The following CTSO variants were observed in gnomAD, a reference collection of about 807,000 sequenced individuals.
CTSO encodes cathepsin O.
Under a neutral mutation model 42.4 loss-of-function variants are expected in CTSO, and 40 were observed. That is an observed-to-expected ratio of 0.94 (90% CI 0.73 to 1.23). CTSO has a LOEUF of 1.23. Among genes scored for constraint, CTSO ranks in the 50% most tolerant of loss-of-function variants. The probability of loss-of-function intolerance (pLI) is 0.00; values close to 1 mark genes in which losing one functional copy is unlikely to be tolerated. For missense variants in CTSO, 441 were observed against 396.0 expected (o/e 1.11, Z -0.96); for synonymous variants, 156 against 146.2 (o/e 1.07, Z -0.48).
At chr4:155,945,121 G>A (rs934730256) in intron 1 of CTSO, among the ~76,000 whole-genome samples, 1 of 151,972 alleles carries the variant, frequency 6.6e-6, no homozygotes, top group Non-Finnish European at 1.5e-5. Flanking sequence ...GCCGGGCGTG[G>A]TGGTGGGCGC....
chr4:155,925,966 T>C lies in CTSO; in HGVS notation c.*70A>G, dbSNP rs1743121529. On this transcript the variant is annotated 3_prime_UTR_variant, in exon 8 of 8. Transcript: ENST00000433477. ...TGAAACTTGAAGTTGAATAATACTT[T>C]GAAGTACTATGTTACATTGCATTAT... The C allele has an allele frequency of 1.6e-6, 2 of 1,286,762 alleles. No homozygotes were observed. Among genetic ancestry groups the C allele is most frequent in the African/African-American group, 1.5e-5 (1 of 68,378 alleles). 79.7% of individuals were successfully genotyped at this position (1,286,762 alleles called of 1,614,324 possible).
chr4:155,936,291 G>C (rs1743329503), intron 5 of CTSO, among the ~76,000 whole-genome samples: 1 of 152,074 alleles, frequency 6.6e-6, no homozygotes, highest in Non-Finnish European at 1.5e-5. Context: ...TTGCAGACCG[G>C]AGCTGTGTTG....
intron 1 of CTSO, among the ~76,000 whole-genome samples, chr4:155,944,872 T>G (rs1043151798): frequency 1.3e-5 from 2 of 149,764 alleles, no homozygotes; most frequent in Admixed American, 6.7e-5. Flanking sequence ...TTTCCTTCAC[T>G]CAGGGTCAGA....
At chr4:155,929,304 C>T (rs1285408231) in intron 6 of CTSO, among the ~76,000 whole-genome samples, 1 of 152,224 alleles carries the variant, frequency 6.6e-6, no homozygotes, top group African/African-American at 2.4e-5. Flanking sequence ...TGATTTCCCA[C>T]TCCACACTCT....
chr4:155,943,587 A>G (rs946526453), intron 1 of CTSO, among the ~76,000 whole-genome samples: 4 of 152,190 alleles, frequency 2.6e-5, no homozygotes, highest in Non-Finnish European at 2.9e-5. Context: ...GACTGCAAAT[A>G]AACACTAGAT....
chr4:155,931,060 A>G (rs1743226235), intron 5 of CTSO, among the ~76,000 whole-genome samples: 1 of 152,120 alleles, frequency 6.6e-6, no homozygotes, highest in South Asian at 2.1e-4. Context: ...ATGGCATACA[A>G]TTTTGCAAGA....
intron 5 of CTSO, among the ~76,000 whole-genome samples, chr4:155,930,227 C>T (rs765458232): frequency 7.9e-5 from 12 of 152,098 alleles, no homozygotes; most frequent in East Asian, 1.9e-4. Context: ...AGATATTTGG[C>T]GATACCTTGC....
At chr4:155,947,545 A>G (rs1456572124) in intron 1 of CTSO, among the ~76,000 whole-genome samples, 3 of 152,196 alleles carry the variant, frequency 2.0e-5, no homozygotes, top group Admixed American at 6.5e-5. Flanking sequence ...ATCCAAGAAT[A>G]TCTATTCTCT....
At chr4:155,934,713 C>CT (rs1743300454) in intron 5 of CTSO, among the ~76,000 whole-genome samples, 1 of 152,158 alleles carries the variant, frequency 6.6e-6, no homozygotes, top group Non-Finnish European at 1.5e-5. Flanking sequence ...CATGGGCCCT[C>CT]TAACTCCTTT....
At chr4:155,947,326 A>T (rs1743566592) in intron 1 of CTSO, among the ~76,000 whole-genome samples, 1 of 152,222 alleles carries the variant, frequency 6.6e-6, no homozygotes, top group Non-Finnish European at 1.5e-5. Flanking sequence ...TATTACAGAG[A>T]CTGGCAAAAT....
At position 155,934,055 on chromosome 4, in the gene CTSO, C is replaced by T. The variant is rs182086165; in HGVS notation, c.674+3307G>A. ...CTTCAGGTTATGTCAGACACCTTCA[C>T]GGCAGCCCCTCCCATCACAGGCTCG... On this transcript the variant is annotated intron_variant, in intron 5 of 7. Transcript: ENST00000433477. Among the ~76,000 whole-genome samples the T allele has an allele frequency of 9.7e-4, 147 of 152,300 alleles. 1 individual carries two copies. Among genetic ancestry groups the T allele is most frequent in the African/African-American group, 3.2e-3 (134 of 41,550 alleles).
In CTSO at chr4:155,924,685, C is replaced by CA. The variant is rs1206021589; in HGVS notation, c.*1350dup. 3.3e-5 allele frequency: 5 copies of CA among 152,134 alleles called. No homozygotes were observed. The highest frequency in any genetic ancestry group is 1.2e-4 in the African/African-American group (5 of 41,416). 9.4% of individuals were successfully genotyped at this position (152,134 alleles called of 1,614,324 possible). Reference sequence around the variant, plus strand: ...CATTTAATATGGTTGTGCTTATATTCAATCAGAAGGTCAACTCCTTTGCTC... The same window carrying CA: ...CATTTAATATGGTTGTGCTTATATTCAAATCAGAAGGTCAACTCCTTTGCTC... On this transcript the variant is annotated 3_prime_UTR_variant, in exon 8 of 8. Transcript: ENST00000433477.
At chr4:155,932,735 C>T (rs1043777272) in intron 5 of CTSO, among the ~76,000 whole-genome samples, 1 of 152,164 alleles carries the variant, frequency 6.6e-6, no homozygotes, top group African/African-American at 2.4e-5. Flanking sequence ...TTAGCCACAG[C>T]ACTAACTGGT....
chr4:155,951,163 T>C (rs1285693867), intron 1 of CTSO, among the ~76,000 whole-genome samples: 1 of 152,180 alleles, frequency 6.6e-6, no homozygotes, highest in African/African-American at 2.4e-5. Context: ...AGGTAAAGCT[T>C]TGGAAATTTT....
rs142665761 is a variant in CTSO, at chr4:155,931,284, G to A, written c.675-1579C>T. On this transcript the variant is annotated intron_variant, in intron 5 of 7. Coordinates refer to ENST00000433477, the MANE Select transcript of CTSO (RefSeq NM_001334.3). ...TCTTTCTATCAACCAGAACACAGCC[G>A]TCTCCATCAATTGAAGAAAACAAAG... is the stretch of plus-strand genomic sequence containing the variant. 4.1e-4 allele frequency among the ~76,000 whole-genome samples: 63 copies of A among 152,142 alleles called. No individual in the cohort carries two copies. The East Asian group carries it at 0.01, about 24-fold the overall frequency.
At chr4:155,948,479 T>G (rs947557152) in intron 1 of CTSO, among the ~76,000 whole-genome samples, 1 of 152,150 alleles carries the variant, frequency 6.6e-6, no homozygotes, top group African/African-American at 2.4e-5. Flanking sequence ...TTCCATATTC[T>G]AATTTCCCGC....
At chr4:155,939,346 T>C in intron 4 of CTSO, 25 bp downstream of exon 4, 1 of 1,558,416 alleles carries the variant, frequency 6.4e-7, no homozygotes, top group Non-Finnish European at 8.7e-7. Flanking sequence ...AAATAAAGAG[T>C]TTAAGAGGTT....
At chr4:155,935,296 G>A (rs1045658615) in intron 5 of CTSO, among the ~76,000 whole-genome samples, 5 of 152,074 alleles carry the variant, frequency 3.3e-5, no homozygotes, top group Non-Finnish European at 7.3e-5. Flanking sequence ...CCAGTCTTGG[G>A]TATGTCTTTA....
chr4:155,925,974 T>A lies in CTSO; in HGVS notation c.*62A>T. 7.3e-7 allele frequency: 1 copy of A among 1,365,818 alleles called. No individual in the cohort carries two copies. Among genetic ancestry groups the A allele is most frequent in the South Asian group, 1.2e-5 (1 of 81,446 alleles). The allele number at this position is 1,365,818 out of a possible 1,614,324, so 84.6% of individuals were successfully genotyped here. A position where few individuals can be genotyped will look rare whatever the true frequency, so the allele number is the denominator to read the frequency against. ...GAAGTTGAATAATACTTTGAAGTAC[T>A]ATGTTACATTGCATTATGAAAACCT... On this transcript the variant is annotated 3_prime_UTR_variant, in exon 8 of 8. Coordinates refer to ENST00000433477, the MANE Select transcript of CTSO (RefSeq NM_001334.3).
Sources: gnomAD v4.1 joint callset for allele counts (sites outside exome capture counted in the v4.1 genomes callset) on GRCh38, gnomAD v4.1.1 for gene constraint, MANE v1.5 for transcripts, NCBI Gene and HGNC (gene_info 2026-07-23, HGNC 2026-07-21) for gene names.